The following NBEAL1 variants were observed in gnomAD, a reference collection of about 807,000 sequenced individuals.
NBEAL1 encodes the protein neurobeachin like 1.
In NBEAL1, 273 loss-of-function variants were observed where a neutral mutation model predicts 351.3. The observed-to-expected ratio is 0.78, with a 90% confidence interval of 0.70 to 0.86. NBEAL1 has a LOEUF of 0.86. Among genes scored for constraint, NBEAL1 ranks in the 40% least tolerant of loss-of-function variants. The probability of loss-of-function intolerance (pLI) is 0.00; values close to 1 mark genes in which losing one functional copy is unlikely to be tolerated. For synonymous variants in NBEAL1, 1,050 were observed against 1,086.4 expected (o/e 0.97, Z 0.66); for missense variants, 2,961 against 3,201.3 (o/e 0.92, Z 1.81).
intron 7 of NBEAL1, among the ~76,000 whole-genome samples, chr2:203,069,236 T>G (rs559058131): frequency 6.6e-6 from 1 of 152,340 alleles, no homozygotes; most frequent in Non-Finnish European, 1.5e-5. Flanking sequence ...CTTCAGTTCT[T>G]TCTTTTCCCT....
chr2:203,185,174 CTT>C (rs1294977780), intron 44 of NBEAL1, among the ~76,000 whole-genome samples: 1 of 152,134 alleles, frequency 6.6e-6, no homozygotes, highest in Non-Finnish European at 1.5e-5. Context: ...TTCAGAGTGT[CTT>C]TGTCATAGTC....
In NBEAL1 at chr2:203,174,858, C is replaced by CAAATAAATAAATAAAT. The variant is rs34190645; in HGVS notation, c.6324-265_6324-250dup. On this transcript the variant is annotated intron_variant, in intron 41 of 55. Coordinates refer to ENST00000683969, the MANE Select transcript of NBEAL1 (RefSeq NM_001378026.1). ...GTGAGCCGAGAGCGAGACTCTGTCT[C>CAAATAAATAAATAAAT]AAATAAATAAATAAATAAATAAATA... Among the ~76,000 whole-genome samples the CAAATAAATAAATAAAT allele has an allele frequency of 2.1e-5, 3 of 143,376 alleles. No individual in the cohort carries two copies. In the East Asian group the frequency reaches 6.1e-4, roughly 29 times the overall value. 94.1% of individuals were successfully genotyped at this position (143,376 alleles called of 152,430 possible).
intron 12 of NBEAL1, among the ~76,000 whole-genome samples, chr2:203,101,667 C>T (rs891412893): frequency 1.3e-5 from 2 of 152,140 alleles, no homozygotes; most frequent in African/African-American, 4.8e-5. Context: ...GTGATCCTAG[C>T]TCACTGCAAC....
At chr2:203,119,199 C>T (rs1434582485) in intron 18 of NBEAL1, among the ~76,000 whole-genome samples, 1 of 151,004 alleles carries the variant, frequency 6.6e-6, no homozygotes, top group Admixed American at 6.6e-5. Flanking sequence ...CAGGGTATCA[C>T]TCCCATTACC....
intron 53 of NBEAL1, among the ~76,000 whole-genome samples, chr2:203,210,360 C>CT (rs1467719289): frequency 8.7e-6 from 1 of 114,684 alleles, no homozygotes; most frequent in Non-Finnish European, 1.8e-5. Context: ...GAGACATGGC[C>CT]TCAAAAAAAA....
At chr2:203,049,674 CAGA>C in intron 3 of NBEAL1, 137 bp from the exon 4 acceptor site, 1 of 629,282 alleles carries the variant, frequency 1.6e-6, no homozygotes, top group Non-Finnish European at 2.6e-6. Context: ...ATCTGTGTTG[CAGA>C]CGAGAAGGCA....
chr2:203,043,463 G>A (rs921818579), intron 3 of NBEAL1, among the ~76,000 whole-genome samples: 1 of 152,072 alleles, frequency 6.6e-6, no homozygotes, highest in African/African-American at 2.4e-5. Flanking sequence ...AGTGTTGGCC[G>A]GGTGCAGTGG....
At chr2:203,145,901 A>T (rs2063500857) in intron 33 of NBEAL1, among the ~76,000 whole-genome samples, 1 of 151,992 alleles carries the variant, frequency 6.6e-6, no homozygotes, top group Non-Finnish European at 1.5e-5. Context: ...GAAGTAAATA[A>T]AATTGAAATC....
At chr2:203,146,901 G>A (rs1033881174) in intron 33 of NBEAL1, among the ~76,000 whole-genome samples, 2 of 152,156 alleles carry the variant, frequency 1.3e-5, no homozygotes, top group Admixed American at 6.6e-5. Flanking sequence ...ATACTGAACC[G>A]CATTAGTAGT....
chr2:203,165,409 A>G (rs2064103314), intron 36 of NBEAL1, among the ~76,000 whole-genome samples: 1 of 152,150 alleles, frequency 6.6e-6, no homozygotes, highest in Non-Finnish European at 1.5e-5. Flanking sequence ...TAAGATTCAT[A>G]TTTAGTACTT....
At chr2:203,056,656 T>A in intron 5 of NBEAL1, 148 bp downstream of exon 5, 2 of 584,108 alleles carry the variant, frequency 3.4e-6, no homozygotes, top group Non-Finnish European at 3.1e-6. Context: ...AACCTCTGCC[T>A]CCCAGGTTCA....
intron 8 of NBEAL1, among the ~76,000 whole-genome samples, chr2:203,081,798 G>C (rs1173936820): frequency 1.3e-5 from 2 of 152,166 alleles, no homozygotes; most frequent in East Asian, 3.9e-4. Context: ...CATGTGTCAA[G>C]TATCTTTTAA....
intron 7 of NBEAL1, among the ~76,000 whole-genome samples, chr2:203,077,409 A>G (rs993180187): frequency 1.3e-5 from 2 of 151,994 alleles, no homozygotes; most frequent in African/African-American, 4.8e-5. Flanking sequence ...ATTTTATGCC[A>G]GGTTTGGGTT....
At chr2:203,207,315 C>T (rs1413249318) in intron 51 of NBEAL1, among the ~76,000 whole-genome samples, 17 of 151,210 alleles carry the variant, frequency 1.1e-4, no homozygotes, top group Non-Finnish European at 2.2e-4. Flanking sequence ...GCCCGGCCAG[C>T]CGCCCCCTCC....
intron 7 of NBEAL1, among the ~76,000 whole-genome samples, chr2:203,070,504 C>T (rs1307131415): frequency 1.3e-5 from 2 of 151,926 alleles, no homozygotes; most frequent in Non-Finnish European, 2.9e-5. Context: ...GCTGGGACTA[C>T]ATGAATGCAC....
rs2065979540 is a variant in NBEAL1, at chr2:203,223,709, G to A, written c.*6355G>A. Among the ~76,000 whole-genome samples the A allele has an allele frequency of 2.0e-5, 3 of 152,124 alleles. No individual in the cohort carries two copies. Among genetic ancestry groups the A allele is most frequent in the Middle Eastern group, 3.4e-3 (1 of 294 alleles). ...AAAACTAGCAATTCTGTGGTAATCA[G>A]TGTACTAGTCAACATTAAAATGCTA... On this transcript the variant is annotated 3_prime_UTR_variant, in exon 56 of 56. Coordinates refer to ENST00000683969, the MANE Select transcript of NBEAL1 (RefSeq NM_001378026.1).
intron 36 of NBEAL1, among the ~76,000 whole-genome samples, chr2:203,158,584 T>G (rs1008491064): frequency 5.9e-5 from 9 of 152,202 alleles, no homozygotes; most frequent in Non-Finnish European, 1.0e-4. Flanking sequence ...TACATTTCTT[T>G]GTATAAGTTC....
At chr2:203,077,718 C>CTTATTTAT (rs746378979) in intron 7 of NBEAL1, 34 bp from the exon 8 acceptor site, 38 of 1,141,778 alleles carry the variant, frequency 3.3e-5, no homozygotes, top group African/African-American at 6.5e-5. Context: ...AAAGACAAAT[C>CTTATTTAT]TTATTTATTT....
chr2:203,085,154 G>A (rs2061939964), intron 10 of NBEAL1: 1 of 152,458 alleles, frequency 6.6e-6, no homozygotes, highest in African/African-American at 2.4e-5. Context: ...CTGGAGTGCA[G>A]TGGTGCAATC....
Sources: allele counts gnomAD v4.1 joint callset (sites outside exome capture counted in the v4.1 genomes callset), GRCh38; gene constraint gnomAD v4.1.1; transcripts MANE v1.5; gene names NCBI Gene and HGNC (gene_info 2026-07-23, HGNC 2026-07-21).